The following EVI5 variants were observed in gnomAD, a reference collection of about 807,000 sequenced individuals.
EVI5 encodes ecotropic viral integration site 5.
A neutral mutation model predicts 112.0 loss-of-function variants in EVI5; 73 were observed. That is an observed-to-expected ratio of 0.65 (90% CI 0.54 to 0.79). EVI5 has a LOEUF of 0.79. Among genes scored for constraint, EVI5 ranks in the 30% least tolerant of loss-of-function variants. The pLI, the probability that EVI5 is intolerant of heterozygous loss-of-function variation, is 0.00. For missense variants in EVI5, 900 were observed against 968.8 expected, an observed-to-expected ratio of 0.93 and a Z score of 0.94; for synonymous variants, 305 against 319.9, an observed-to-expected ratio of 0.95 and a Z score of 0.50.
chr1:92,586,700 T>C (rs1044875238), intron 18 of EVI5, among the ~76,000 whole-genome samples: 1 of 150,882 alleles, frequency 6.6e-6, no homozygotes, highest in Non-Finnish European at 1.5e-5. Context: ...TTATCTTCTA[T>C]ATTTCCTGTC....
intron 3 of EVI5, 126 bp from the exon 4 acceptor site, chr1:92,703,745 CT>C: frequency 1.6e-6 from 1 of 642,840 alleles, no homozygotes; most frequent in Non-Finnish European, 2.6e-6. Flanking sequence ...ACAAAGCTAG[CT>C]TTATAATAAG....
chr1:92,581,145 C>T (rs1671870533), intron 18 of EVI5, among the ~76,000 whole-genome samples: 1 of 152,218 alleles, frequency 6.6e-6, no homozygotes, highest in African/African-American at 2.4e-5. Flanking sequence ...ACTATCTCTC[C>T]ACCATATTTG....
chr1:92,600,426 A>C (rs2027060), intron 18 of EVI5, among the ~76,000 whole-genome samples: 140,258 of 152,232 alleles, frequency 0.92, 64,698 homozygotes, highest in East Asian at 0.97. Context: ...TTCTCTGTAC[A>C]TCATGTTTCA....
At chr1:92,575,696 T>C (rs888034690) in intron 18 of EVI5, among the ~76,000 whole-genome samples, 1 of 151,148 alleles carries the variant, frequency 6.6e-6, no homozygotes, top group Non-Finnish European at 1.5e-5. Context: ...CCCGAGTAGC[T>C]GGAAGTACAG....
chr1:92,789,594 G>T (rs558659772), upstream of EVI5, among the ~76,000 whole-genome samples: 1 of 152,136 alleles, frequency 6.6e-6, no homozygotes, highest in South Asian at 2.1e-4. Flanking sequence ...GAACCACCGC[G>T]CCTGGCCTTC....
chr1:92,723,907 G>C (rs1182275880), intron 2 of EVI5, among the ~76,000 whole-genome samples: 1 of 152,160 alleles, frequency 6.6e-6, no homozygotes, highest in Admixed American at 6.5e-5. Context: ...TTACGCGGTT[G>C]AGATAAGGAC....
chr1:92,727,988 T>C (rs1485276807), intron 2 of EVI5, among the ~76,000 whole-genome samples: 2 of 147,486 alleles, frequency 1.4e-5, no homozygotes, highest in African/African-American at 5.1e-5. Flanking sequence ...AGTGCGACCC[T>C]GTCTCAAAAA....
At chr1:92,565,540 C>G (rs1016422143) in intron 18 of EVI5, among the ~76,000 whole-genome samples, 1 of 152,092 alleles carries the variant, frequency 6.6e-6, no homozygotes, top group Non-Finnish European at 1.5e-5. Context: ...GGAGATTCCT[C>G]CCATATTTAA....
At chr1:92,715,170 T>A (rs1188026543) in intron 2 of EVI5, among the ~76,000 whole-genome samples, 1 of 152,082 alleles carries the variant, frequency 6.6e-6, no homozygotes, top group African/African-American at 2.4e-5. Context: ...CATGTCCAGC[T>A]AATTTTTTTG....
chr1:92,708,240 G>A (rs1274460246), intron 2 of EVI5, among the ~76,000 whole-genome samples: 1 of 151,540 alleles, frequency 6.6e-6, no homozygotes, highest in Non-Finnish European at 1.5e-5. Flanking sequence ...AAATACTTGC[G>A]AATCATAAGG....
At chr1:92,732,853 T>C (rs1570649245) in intron 2 of EVI5, among the ~76,000 whole-genome samples, 1 of 136,724 alleles carries the variant, frequency 7.3e-6, no homozygotes, top group East Asian at 2.2e-4. Context: ...TGAGCAGAGA[T>C]CGCACCACTG....
chr1:92,683,260 C>G (rs541899688), intron 9 of EVI5, among the ~76,000 whole-genome samples: 2 of 152,240 alleles, frequency 1.3e-5, no homozygotes, highest in South Asian at 2.1e-4. Flanking sequence ...GCTGATGATA[C>G]CCATGCAAAC....
chr1:92,715,890 C>G (rs948831036), intron 2 of EVI5, among the ~76,000 whole-genome samples: 1 of 152,172 alleles, frequency 6.6e-6, no homozygotes, highest in Admixed American at 6.5e-5. Flanking sequence ...ACCTGCGAGG[C>G]AGCAGCCTGG....
chr1:92,784,616 A>C, intron 1 of EVI5: 5 of 305,640 alleles, frequency 1.6e-5, no homozygotes, highest in Non-Finnish European at 2.4e-5. Flanking sequence ...CCCAGCGCCC[A>C]CGAGAAGGAG....
At chr1:92,519,629 ATGACTGT>A (rs1188647847) in intron 19 of EVI5, among the ~76,000 whole-genome samples, 13 of 152,182 alleles carry the variant, frequency 8.5e-5, no homozygotes, top group African/African-American at 2.9e-4. Context: ...GCAGTGGCTC[ATGACTGT>A]AATCCTAGCA....
intron 19 of EVI5, among the ~76,000 whole-genome samples, chr1:92,530,391 G>A (rs956234086): frequency 6.6e-6 from 1 of 152,140 alleles, no homozygotes; most frequent in Non-Finnish European, 1.5e-5. Context: ...CTGCCTGGCA[G>A]CTCTGAAGAG....
At chr1:92,535,071 C>G (rs1663619980) in intron 19 of EVI5, among the ~76,000 whole-genome samples, 1 of 151,576 alleles carries the variant, frequency 6.6e-6, no homozygotes, top group African/African-American at 2.4e-5. Context: ...AGAACTTAAA[C>G]AAATTTACAA....
chr1:92,531,211 A>T (rs1398813882), intron 19 of EVI5, among the ~76,000 whole-genome samples: 2 of 150,226 alleles, frequency 1.3e-5, no homozygotes, highest in African/African-American at 4.9e-5. Context: ...AACTCAATGA[A>T]ATAAAGCAAG....
intron 19 of EVI5, among the ~76,000 whole-genome samples, chr1:92,547,049 T>C (rs994564200): frequency 1.6e-4 from 24 of 152,210 alleles, no homozygotes; most frequent in Non-Finnish European, 2.8e-4. Flanking sequence ...ATATACATTC[T>C]TCTCAGCACC....
Sources: allele counts gnomAD v4.1 joint callset (sites outside exome capture counted in the v4.1 genomes callset), GRCh38; gene constraint gnomAD v4.1.1; transcripts MANE v1.5; gene names NCBI Gene and HGNC (gene_info 2026-07-23, HGNC 2026-07-21).